Variants in RNF43 observed in about 807,000 individuals in gnomAD.
The protein encoded by RNF43 is E3 ubiquitin-protein ligase RNF43.
A neutral mutation model predicts 78.4 loss-of-function variants in RNF43; 37 were observed. That is an observed-to-expected ratio of 0.47 (90% confidence interval 0.36 to 0.62). RNF43 has a LOEUF of 0.62. Ranked by LOEUF, RNF43 falls within the 20% of genes least tolerant of loss-of-function variation. The probability of loss-of-function intolerance (pLI) is 0.00; values close to 1 mark genes in which losing one functional copy is unlikely to be tolerated. For synonymous variants in RNF43, 347 were observed against 395.0 expected (o/e 0.88, Z 1.44); for missense variants, 774 against 1,007.9 (o/e 0.77, Z 3.14).
Position 58,354,511 on chromosome 17 carries a change from A to C in RNF43, c.*432T>G, listed in dbSNP as rs1972643065. On this transcript the variant is annotated 3_prime_UTR_variant, in exon 10 of 10. Coordinates refer to ENST00000407977, the MANE Select transcript of RNF43 (RefSeq NM_017763.6). ...AGCTCACCCAAGGAGGGAGGTGATA[A>C]GGTGTCATGCGTTCTGCTGAACCCA... 1 of 284,156 alleles carries C rather than the reference A, an allele frequency of 3.5e-6. No homozygotes were observed. The highest frequency in any genetic ancestry group is 2.1e-5 in the African/African-American group (1 of 48,130). 17.6% of individuals were successfully genotyped at this position (284,156 alleles called of 1,614,324 possible). A position where few individuals can be genotyped will look rare whatever the true frequency, so the allele number is the denominator to read the frequency against.
chr17:58,370,046 A>G (rs182840157), intron 3 of RNF43, among the ~76,000 whole-genome samples: 1 of 148,074 alleles, frequency 6.8e-6, no homozygotes, highest in East Asian at 2.0e-4. Context: ...CTTCTAAAGA[A>G]GCTGAAAATC....
intron 3 of RNF43, among the ~76,000 whole-genome samples, chr17:58,364,682 G>T (rs945937954): frequency 6.6e-6 from 1 of 152,192 alleles, no homozygotes; most frequent in South Asian, 2.1e-4. Context: ...ACATCCCTGG[G>T]CACCGCCCCC....
downstream of RNF43, chr17:58,353,147 T>A (rs1972599863): frequency 4.8e-6 from 1 of 207,824 alleles, no homozygotes; most frequent in African/African-American, 2.3e-5. Context: ...CGCTGCGCTG[T>A]CATTCCAGCC....
rs530409676 is a variant in RNF43, at chr17:58,359,995, C to T, written c.952+154G>A. Among the ~76,000 whole-genome samples, 11 of 152,276 alleles carry T rather than the reference C, an allele frequency of 7.2e-5. No homozygotes were observed. The East Asian group carries it at 1.9e-3, about 27-fold the overall frequency. On this transcript the variant is annotated intron_variant, in intron 8 of 9. Transcript: ENST00000407977. ...TTACATTTTGAATGACGCTTCCCCT[C>T]GAGTGAGGCACTCTGGAGCAGTGTA...
rs2143364741 is a variant in RNF43 at position 58,354,949 on chromosome 17, A to G, written c.2346T>C (p.Ala782=). 3 of 1,614,108 alleles carry G rather than the reference A, an allele frequency of 1.9e-6. No homozygotes were observed. The highest frequency in any genetic ancestry group is 2.5e-6 in the Non-Finnish European group (3 of 1,179,966). The stretch of plus-strand genomic sequence containing the variant: ...GGAGCTAGGCCTGAACATCTCACAC[A>G]GCCTGTTCACACAGCTCCTCGAGTT... ...EEELEELCEQ[A]V The change falls in exon 10 of 10, where the codon GCT becomes GCC. Residue 782 remains alanine (A), a synonymous_variant. Coordinates refer to ENST00000407977, the MANE Select transcript of RNF43 (RefSeq NM_017763.6).
intron 3 of RNF43, among the ~76,000 whole-genome samples, chr17:58,368,852 C>A (rs923675453): frequency 6.6e-6 from 1 of 152,080 alleles, no homozygotes; most frequent in Non-Finnish European, 1.5e-5. Context: ...AAACCAAGTA[C>A]TTGAGGTAAG....
intron 2 of RNF43, among the ~76,000 whole-genome samples, chr17:58,384,265 G>A (rs1019786730): frequency 2.0e-5 from 3 of 152,172 alleles, no homozygotes; most frequent in Non-Finnish European, 2.9e-5. Context: ...GTTCCTGTTC[G>A]CATTTGTCAG....
intron 2 of RNF43, among the ~76,000 whole-genome samples, chr17:58,411,363 T>C (rs1054278701): frequency 1.3e-5 from 2 of 152,154 alleles, no homozygotes; most frequent in Non-Finnish European, 2.9e-5. Flanking sequence ...GTTTGCAATA[T>C]AGGACTGTCT....
chr17:58,364,477 AG>A (rs1972907049), intron 3 of RNF43, among the ~76,000 whole-genome samples: 1 of 152,156 alleles, frequency 6.6e-6, no homozygotes, highest in Non-Finnish European at 1.5e-5. Context: ...GGGTGTGTGT[AG>A]GGAGGGGAGT....
chr17:58,410,275 G>GT (rs1351039511), intron 2 of RNF43, among the ~76,000 whole-genome samples: 1 of 151,848 alleles, frequency 6.6e-6, no homozygotes, highest in Non-Finnish European at 1.5e-5. Context: ...CTTCTATTCT[G>GT]TGGGTGCCAG....
In RNF43 at chr17:58,358,849, A is replaced by G. The variant is rs1041129558; in HGVS notation, c.953-26T>C. On this transcript the variant is annotated intron_variant, in intron 8 of 9. Transcript: ENST00000407977. This position sits in a 1 kb window ranked among gnomAD's most constrained non-coding sequence, Gnocchi z 6.2. ...CTGGAAAAAAGAACCAAGAGCACAG[A>G]TGTTTAACTCTACAAACCTACAGAG... 2 of 1,467,692 alleles carry G rather than the reference A, an allele frequency of 1.4e-6. No homozygotes were observed. The highest frequency in any genetic ancestry group is 5.1e-5 in the Admixed American group (2 of 39,002). 90.9% of individuals were successfully genotyped at this position (1,467,692 alleles called of 1,614,324 possible).
chr17:58,383,396 G>A (rs1567886280), intron 2 of RNF43, among the ~76,000 whole-genome samples: 1 of 151,898 alleles, frequency 6.6e-6, no homozygotes, highest in East Asian at 1.9e-4. Flanking sequence ...CCCAAACCTG[G>A]GAGGATCATA....
At chr17:58,375,555 C>T (rs1418983797) in intron 2 of RNF43, among the ~76,000 whole-genome samples, 2 of 152,138 alleles carry the variant, frequency 1.3e-5, no homozygotes, top group African/African-American at 4.8e-5. Flanking sequence ...ACTTTGTGGG[C>T]ACTCAATCAA....
chr17:58,413,240 A>C (rs1974059733), intron 2 of RNF43, among the ~76,000 whole-genome samples: 1 of 152,204 alleles, frequency 6.6e-6, no homozygotes, highest in Non-Finnish European at 1.5e-5. Context: ...AATTAATCAA[A>C]GAATGGATAA....
chr17:58,370,060 GTTTTTTTTTT>G (rs56372311), intron 3 of RNF43, among the ~76,000 whole-genome samples: 5 of 96,238 alleles, frequency 5.2e-5, no homozygotes, highest in East Asian at 5.3e-4. Flanking sequence ...GAAAATCTGA[GTTTTTTTTTT>G]TTTTTTTTTT....
At chr17:58,410,134 C>A (rs148492087) in intron 2 of RNF43, among the ~76,000 whole-genome samples, 1 of 151,540 alleles carries the variant, frequency 6.6e-6, no homozygotes, top group African/African-American at 2.4e-5. Flanking sequence ...GCTGAACTTA[C>A]AAATTTTTGT....
chr17:58,367,380 T>A (rs1422782405), intron 3 of RNF43, among the ~76,000 whole-genome samples: 1 of 152,162 alleles, frequency 6.6e-6, no homozygotes, highest in Non-Finnish European at 1.5e-5. Flanking sequence ...TATAAGATAG[T>A]CATCAGCCCC....
rs1254699355 is a variant in RNF43, at chr17:58,357,770, G to A, written c.2006C>T (p.Pro669Leu). ...GPSEPTPGSR[P>L]QDATVHPACQ... ...AGCTGGGTGCACAGTTGCATCCTGG[G>A]GCCGAGAGCCAGGGGTGGGCTCGGA... is the stretch of plus-strand genomic sequence containing the variant. Residue 669 changes from proline to leucine, a missense_variant, in exon 9 of 10, where the codon CCC becomes CTC. Transcript: ENST00000407977. The surrounding 1 kb of genome is among the most constrained non-coding windows in gnomAD (Gnocchi z 4.5). The A allele has an allele frequency of 3.7e-6, 6 of 1,613,844 alleles. No individual in the cohort carries two copies. In the Admixed American group the frequency reaches 6.7e-5, roughly 18 times the overall value.
chr17:58,361,466 C>T (rs1335392058), intron 6 of RNF43, among the ~76,000 whole-genome samples: 1 of 152,158 alleles, frequency 6.6e-6, no homozygotes, highest in Admixed American at 6.5e-5. Context: ...TTTTAACTGC[C>T]GCCTTCCTAA....
Sources: gnomAD v4.1 joint callset for allele counts (sites outside exome capture counted in the v4.1 genomes callset) on GRCh38, gnomAD v4.1.1 for gene constraint, Gnocchi (gnomAD v3.1) non-coding constraint, MANE v1.5 for transcripts, NCBI Gene and HGNC (gene_info 2026-07-23, HGNC 2026-07-21) for gene names.